Variants in ARHGEF10L observed in about 807,000 individuals in gnomAD.
ARHGEF10L encodes the protein Rho guanine nucleotide exchange factor 10 like, also known as rho guanine nucleotide exchange factor 10-like protein.
Under a neutral mutation model 141.2 loss-of-function variants are expected in ARHGEF10L, and 69 were observed. The observed-to-expected ratio is 0.49, with a 90% CI of 0.40 to 0.60. ARHGEF10L has a LOEUF of 0.60. Ranked by LOEUF, ARHGEF10L falls within the 20% of genes least tolerant of loss-of-function variation. The pLI is 0.00. For synonymous variants in ARHGEF10L, 711 were observed against 718.5 expected (o/e 0.99, Z 0.17); for missense variants, 1,482 against 1,734.3 (o/e 0.85, Z 2.58).
At chr1:17,528,849 GTACT>G in the ARHGEF10L span, among the ~76,000 whole-genome samples, 2 of 152,176 alleles carry the variant, frequency 1.3e-5, no homozygotes, top group African/African-American at 4.8e-5. Flanking sequence ...GATGGTTCCA[GTACT>G]TACTTCATGG....
intron 1 of ARHGEF10L, among the ~76,000 whole-genome samples, chr1:17,541,365 G>A (rs543242981): frequency 1.2e-4 from 19 of 152,350 alleles, no homozygotes; most frequent in Admixed American, 6.5e-4. Context: ...GTCTGTCCTT[G>A]ATCACAGCTC....
At chr1:17,571,694 C>A (rs1484390253) in intron 1 of ARHGEF10L, among the ~76,000 whole-genome samples, 1 of 152,050 alleles carries the variant, frequency 6.6e-6, no homozygotes, top group Non-Finnish European at 1.5e-5. Flanking sequence ...TCACCACTCC[C>A]GGCTAATTTT....
Position 17,573,081 on chromosome 1 carries a change from G to A in ARHGEF10L, c.-43-7472G>A, listed in dbSNP as rs2078071302. ...ATTCTTCCGTCTGTACACCTGCTGG[G>A]TTGCAGGGACGCACATGGACCTCCC... On this transcript the variant is annotated intron_variant, in intron 1 of 28. Coordinates refer to ENST00000361221, the MANE Select transcript of ARHGEF10L (RefSeq NM_018125.4). The surrounding 1 kb of genome is among the most constrained non-coding windows in gnomAD (Gnocchi z 4.8). 1.3e-5 allele frequency among the ~76,000 whole-genome samples: 2 copies of A among 152,146 alleles called. No homozygotes were observed. The highest frequency in any genetic ancestry group is 4.8e-5 in the African/African-American group (2 of 41,418).
At chr1:17,601,474 G>A (rs1259345941) in intron 4 of ARHGEF10L, among the ~76,000 whole-genome samples, 1 of 152,126 alleles carries the variant, frequency 6.6e-6, no homozygotes, top group African/African-American at 2.4e-5. Context: ...TTGATGGAGT[G>A]TTGTTTTGTC....
chr1:17,576,621 G>C (rs2078236458), intron 1 of ARHGEF10L, among the ~76,000 whole-genome samples: 1 of 152,164 alleles, frequency 6.6e-6, no homozygotes, highest in Non-Finnish European at 1.5e-5. Context: ...GCATAGCCTG[G>C]ATAGGGTCCC....
chr1:17,545,343 G>A (rs2076880860), intron 1 of ARHGEF10L, among the ~76,000 whole-genome samples: 2 of 152,172 alleles, frequency 1.3e-5, no homozygotes, highest in Admixed American at 1.3e-4. Context: ...GTGTGATGGC[G>A]CTCCAGGACT....
chr1:17,555,482 A>G (rs1386850132), intron 1 of ARHGEF10L, among the ~76,000 whole-genome samples: 1 of 152,020 alleles, frequency 6.6e-6, no homozygotes, highest in Non-Finnish European at 1.5e-5. Context: ...TAGCCTCTCA[A>G]GCAGCTGGGA....
At chr1:17,667,035 C>T (rs1321805944) in intron 26 of ARHGEF10L, among the ~76,000 whole-genome samples, 1 of 152,208 alleles carries the variant, frequency 6.6e-6, no homozygotes, top group African/African-American at 2.4e-5. Context: ...CAGTAGCCCC[C>T]AAGTGTCTGA....
chr1:17,568,597 C>T (rs993235199), intron 1 of ARHGEF10L, among the ~76,000 whole-genome samples: 4 of 152,230 alleles, frequency 2.6e-5, no homozygotes, highest in South Asian at 2.1e-4. Flanking sequence ...TGCAGGATGT[C>T]GGGGGGTGCT....
intron 1 of ARHGEF10L, among the ~76,000 whole-genome samples, chr1:17,542,761 C>A (rs1361601163): frequency 6.6e-6 from 1 of 152,170 alleles, no homozygotes; most frequent in Non-Finnish European, 1.5e-5. Context: ...ATCCATCTTA[C>A]AGATGAGGAA....
At chr1:17,521,443 G>A in the ARHGEF10L span, among the ~76,000 whole-genome samples, 4 of 152,306 alleles carry the variant, frequency 2.6e-5, no homozygotes, top group South Asian at 4.1e-4. Context: ...TGATCTGCCC[G>A]CCTCGGCCTC....
chr1:17,694,924 C>A, intron 27 of ARHGEF10L: 1 of 688,908 alleles, frequency 1.5e-6, no homozygotes, highest in Non-Finnish European at 2.6e-6. Context: ...GGCAGCCCCA[C>A]TTTACACAGG....
chr1:17,528,316 G>A, the ARHGEF10L span, among the ~76,000 whole-genome samples: 3 of 152,034 alleles, frequency 2.0e-5, no homozygotes, highest in South Asian at 6.2e-4. Context: ...CTGGGCTCAA[G>A]TGATCCTCCC....
At chr1:17,515,872 A>T in the ARHGEF10L span, among the ~76,000 whole-genome samples, 1 of 152,078 alleles carries the variant, frequency 6.6e-6, no homozygotes, top group Non-Finnish European at 1.5e-5. Context: ...GAACTCCTGG[A>T]CTCAAGAGAT....
chr1:17,575,315 C>T (rs1384253950), intron 1 of ARHGEF10L, among the ~76,000 whole-genome samples: 1 of 152,204 alleles, frequency 6.6e-6, no homozygotes. Flanking sequence ...TGGGTGTGGG[C>T]CTGGGACATA....
chr1:17,696,363 C>A (rs536420652), intron 28 of ARHGEF10L, among the ~76,000 whole-genome samples: 1 of 152,028 alleles, frequency 6.6e-6, no homozygotes, highest in Admixed American at 6.6e-5. Flanking sequence ...GGGCAGAGAC[C>A]CTGCTCTCAA....
Position 17,621,867 on chromosome 1 carries a change from G to A in ARHGEF10L, c.946G>A (p.Val316Ile). 6.2e-7 allele frequency: 1 copy of A among 1,614,126 alleles called. No individual in the cohort carries two copies. Among genetic ancestry groups the A allele is most frequent in the South Asian group, 1.1e-5 (1 of 91,074 alleles). ...MPEGLSPQQVVRRHILGSIVQ... is the reference protein window; with the variant it reads ...MPEGLSPQQVIRRHILGSIVQ... ...CCGTGCTTTTTGGCCCGAGCAGGTG[G>A]TCCGGAGGCATATCCTGGGCTCCAT... The change falls in exon 11 of 29, where the codon GTC becomes ATC. Residue 316 changes from valine (V) to isoleucine (I), a missense_variant. By Grantham distance (29) the Val-to-Ile change is conservative (BLOSUM62 3). Coordinates refer to ENST00000361221, the MANE Select transcript of ARHGEF10L (RefSeq NM_018125.4). The surrounding 1 kb of genome is among the most constrained non-coding windows in gnomAD (Gnocchi z 4.1).
At chr1:17,548,020 A>G (rs2076977330) in intron 1 of ARHGEF10L, among the ~76,000 whole-genome samples, 1 of 152,076 alleles carries the variant, frequency 6.6e-6, no homozygotes, top group Non-Finnish European at 1.5e-5. Context: ...CTGTTTTCTC[A>G]TCTGTGGAAT....
chr1:17,657,195 G>A (rs2062320252), intron 25 of ARHGEF10L, among the ~76,000 whole-genome samples: 1 of 152,316 alleles, frequency 6.6e-6, no homozygotes, highest in East Asian at 1.9e-4. Context: ...GTTTTATTGA[G>A]CCATCCCTAG....
Sources: allele counts gnomAD v4.1 joint callset (sites outside exome capture counted in the v4.1 genomes callset), GRCh38; gene constraint gnomAD v4.1.1; non-coding constraint Gnocchi (gnomAD v3.1); transcripts MANE v1.5; gene names NCBI Gene and HGNC (gene_info 2026-07-23, HGNC 2026-07-21).